Variants in OCM2 observed in about 807,000 individuals in gnomAD.
OCM2 encodes oncomodulin 2.
OCM2 carries 6 observed loss-of-function variants against 13.6 expected under a neutral mutation model. The observed-to-expected ratio is 0.44, with a 90% CI of 0.24 to 0.87. The LOEUF is 0.87. Among genes scored for constraint, OCM2 ranks in the 40% least tolerant of loss-of-function variants. OCM2 has a pLI of 0.22. For missense variants in OCM2, 118 were observed against 136.8 expected (o/e 0.86, Z 0.68); for synonymous variants, 40 against 50.7 (o/e 0.79, Z 0.90).
intron 2 of OCM2, 21 bp downstream of exon 2, chr7:97,988,395 C>G (rs114716013): frequency 6.2e-7 from 1 of 1,613,900 alleles, no homozygotes; most frequent in Non-Finnish European, 8.5e-7. Flanking sequence ...AGGTACCAGA[C>G]AGCCTCAGGA....
chr7:97,985,368 G>A (rs1194729792), intron 3 of OCM2, among the ~76,000 whole-genome samples: 13 of 138,560 alleles, frequency 9.4e-5, no homozygotes, highest in East Asian at 2.2e-4. Context: ...GCAGTGAGCC[G>A]AAATCATGCC....
chr7:97,990,016 T>TCGC, intron 1 of OCM2, 28 bp downstream of exon 1: 17 of 1,083,838 alleles, frequency 1.6e-5, no homozygotes, highest in Non-Finnish European at 2.2e-5. Flanking sequence ...TGTGAGGAAA[T>TCGC]CCCACCCCCG....
chr7:97,989,071 C>T (rs1794703119), intron 1 of OCM2, among the ~76,000 whole-genome samples: 1 of 151,638 alleles, frequency 6.6e-6, no homozygotes, highest in Non-Finnish European at 1.5e-5. Flanking sequence ...GCTGGGATTA[C>T]AGGCATGCAC....
At position 97,989,386 on chromosome 7, in the gene OCM2, C is replaced by CATATTTAT. The variant is rs374168406; in HGVS notation, c.61+657_61+658insATAAATAT. ...AATTTTCCAGCCAAGCTCTTATTTA[C>CATATTTAT]TTATTTATTTATTTATTTATTTATT... On this transcript the variant is annotated intron_variant, in intron 1 of 3. Coordinates refer to ENST00000257627, the Ensembl canonical transcript of OCM2. Among the ~76,000 whole-genome samples the CATATTTAT allele has an allele frequency of 3.4e-5, 5 of 145,182 alleles. No homozygotes were observed. The Admixed American group carries it at 3.5e-4, about 10-fold the overall frequency.
intron 1 of OCM2, 54 bp downstream of exon 1, chr7:97,989,990 G>A (rs905753751): frequency 9.5e-6 from 15 of 1,583,664 alleles, no homozygotes; most frequent in African/African-American, 5.4e-5. Context: ...GTGTTGCCTC[G>A]CTGGAGGGGC....
intron 3 of OCM2, among the ~76,000 whole-genome samples, chr7:97,985,431 A>AGAAAGAAAGAAAGAAAG (rs1554366492): frequency 1.5e-5 from 2 of 131,500 alleles, no homozygotes; most frequent in African/African-American, 5.4e-5. Flanking sequence ...AAAAAAAAAA[A>AGAAAGAAAGAAAGAAAG]AAAGAAAGAA....
rs376411188 is a variant in OCM2 at position 97,987,043 on chromosome 7, A to C, written c.304+4T>G. 25 of 1,612,970 alleles carry C rather than the reference A, an allele frequency of 1.5e-5. No homozygotes were observed. The highest frequency in any genetic ancestry group is 1.8e-5 in the Non-Finnish European group (21 of 1,179,442). ...TTTTATGCTACGTACACGTGTGGAC[A>C]TACCCTCTGCTCCAATTTTCCCATC... is the stretch of plus-strand genomic sequence containing the variant. On this transcript the variant is annotated splice_donor_region_variant and intron_variant, in intron 3 of 3. Transcript: ENST00000257627.
At position 97,988,581 on chromosome 7, in the gene OCM2, C is replaced by T. The variant is rs760277424; in HGVS notation, c.62-33G>A. 3 of 1,613,454 alleles carry T rather than the reference C, an allele frequency of 1.9e-6. No individual in the cohort carries two copies. In the Admixed American group the frequency reaches 5.0e-5, roughly 27 times the overall value. ...ACAGAGAATGGGTTATTCTGACACT[C>T]ATTGGATCACATTCTATGTTGGGGC... On this transcript the variant is annotated intron_variant, in intron 1 of 3. Transcript: ENST00000257627.
chr7:97,986,794 G>A (rs1794676571), intron 3 of OCM2, among the ~76,000 whole-genome samples: 1 of 152,158 alleles, frequency 6.6e-6, no homozygotes, highest in African/African-American at 2.4e-5. Flanking sequence ...CTAGTCAGGT[G>A]AAGGATATTT....
At chr7:97,984,702 T>C (rs1372391305) in exon 4 of OCM2, 1 of 512,406 alleles carries the variant, frequency 2.0e-6, no homozygotes, top group African/African-American at 1.9e-5. Context: ...AGCCTGTCTT[T>C]ATTGGGTGAT....
rs771532397 is a variant in OCM2 at position 97,988,473 on chromosome 7, T to A, written c.137A>T (p.Asp46Val). Residue 46 changes from aspartate (D) to valine (V), a missense_variant, in exon 2 of 4, where the codon GAT becomes GTT. By Grantham distance (152) the Asp-to-Val change is radical (BLOSUM62 -3). Transcript: ENST00000257627. ...GTCGTTGTCTATGAACCGGAAAACA[T>A]CCTTCACCTGACTGGCTGACATCTT... 28 of 1,614,006 alleles carry A rather than the reference T, an allele frequency of 1.7e-5. No homozygotes were observed. In the East Asian group the frequency reaches 4.7e-4, roughly 27 times the overall value.
At chr7:97,988,572 T>C (rs1794696055) in intron 1 of OCM2, 24 bp from the exon 2 acceptor site, 1 of 1,614,026 alleles carries the variant, frequency 6.2e-7, no homozygotes, top group South Asian at 1.1e-5. Flanking sequence ...AATGGGTTAT[T>C]CTGACACTCA....
At chr7:97,988,325 C>T in intron 2 of OCM2, 91 bp downstream of exon 2, 1 of 1,511,476 alleles carries the variant, frequency 6.6e-7, no homozygotes, top group East Asian at 2.3e-5. Context: ...CAAGGCTGGC[C>T]ATTGAAGAAA....
exon 2 of OCM2, chr7:97,988,539 G>T: frequency 1.2e-6 from 2 of 1,614,192 alleles, no homozygotes; most frequent in Non-Finnish European, 1.7e-6. Flanking sequence ...GGGTTCAAAA[G>T]TGTCTGGGTC....
rs530349212 is a variant in OCM2 at position 97,986,204 on chromosome 7, C to T, written c.304+843G>A. Reference sequence around the variant, plus strand: ...CTGGGATTATAGGCCTGAGCCACCACGCCCAGCCCGTGGTTATGTTTAAAT... The same window carrying T: ...CTGGGATTATAGGCCTGAGCCACCATGCCCAGCCCGTGGTTATGTTTAAAT... On this transcript the variant is annotated intron_variant, in intron 3 of 3. Coordinates refer to ENST00000257627, the Ensembl canonical transcript of OCM2. Among the ~76,000 whole-genome samples the T allele has an allele frequency of 7.0e-4, 107 of 152,286 alleles. 1 individual carries two copies. The highest frequency in any genetic ancestry group is 2.5e-3 in the African/African-American group (102 of 41,568).
chr7:97,986,061 C>T (rs1794668380), intron 3 of OCM2, among the ~76,000 whole-genome samples: 1 of 152,050 alleles, frequency 6.6e-6, no homozygotes, highest in African/African-American at 2.4e-5. Flanking sequence ...TACAGGTGCC[C>T]ACCACCATGC....
At chr7:97,988,334 A>T in intron 2 of OCM2, 82 bp downstream of exon 2, 2 of 1,560,536 alleles carry the variant, frequency 1.3e-6, no homozygotes, top group East Asian at 2.3e-5. Context: ...CCATTGAAGA[A>T]ATACTGAGCA....
At chr7:97,988,615 T>G in intron 1 of OCM2, 67 bp from the exon 2 acceptor site, 3 of 1,590,132 alleles carry the variant, frequency 1.9e-6, no homozygotes, top group Admixed American at 1.7e-5. Flanking sequence ...GCCAAGGTAC[T>G]GAAAACACAG....
chr7:97,989,492 T>C (rs1386039423), intron 1 of OCM2, among the ~76,000 whole-genome samples: 1 of 151,912 alleles, frequency 6.6e-6, no homozygotes, highest in Non-Finnish European at 1.5e-5. Context: ...CTCAACCTCC[T>C]GGGCTTGAGT....
Sources: gnomAD v4.1 joint callset for allele counts (sites outside exome capture counted in the v4.1 genomes callset) on GRCh38, gnomAD v4.1.1 for gene constraint, MANE v1.5 for transcripts, NCBI Gene and HGNC (gene_info 2026-07-23, HGNC 2026-07-21) for gene names.